KCND3: variants seen among roughly 807,000 people sequenced by gnomAD.
KCND3 encodes the protein A-type voltage-gated potassium channel KCND3.
A neutral mutation model predicts 51.1 loss-of-function variants in KCND3; 9 were observed. That is an observed-to-expected ratio of 0.18 (90% CI 0.11 to 0.31). The LOEUF (loss-of-function observed/expected upper bound fraction) is 0.31, where lower values mean the gene tolerates loss of function less well. Among genes scored for constraint, KCND3 ranks in the 10% least tolerant of loss-of-function variants. The probability of loss-of-function intolerance (pLI) is 1.00; values close to 1 mark genes in which losing one functional copy is unlikely to be tolerated. For missense variants in KCND3, 526 were observed against 903.8 expected, an observed-to-expected ratio of 0.58 and a Z score of 5.36; for synonymous variants, 349 against 368.0, an observed-to-expected ratio of 0.95 and a Z score of 0.59.
chr1:111,809,310 C>CT (rs1557950192), intron 2 of KCND3, among the ~76,000 whole-genome samples: 1 of 26,178 alleles, frequency 3.8e-5, no homozygotes, highest in African/African-American at 1.6e-4. Flanking sequence ...GATTATTTTT[C>CT]TTTCTTTTTT....
intron 7 of KCND3, 115 bp downstream of exon 7, chr1:111,776,911 A>G (rs923149819): frequency 8.4e-6 from 13 of 1,551,188 alleles, no homozygotes; most frequent in Non-Finnish European, 1.1e-5. Flanking sequence ...GGGCTCATGC[A>G]TTAGATAAGG....
intron 2 of KCND3, among the ~76,000 whole-genome samples, chr1:111,825,554 A>G (rs984667869): frequency 3.3e-5 from 5 of 152,200 alleles, no homozygotes; most frequent in African/African-American, 1.2e-4. Flanking sequence ...CCAGTATTAC[A>G]ATAAAGTTTA....
At chr1:111,918,906 A>C (rs1234025683) in intron 2 of KCND3, among the ~76,000 whole-genome samples, 3 of 152,070 alleles carry the variant, frequency 2.0e-5, no homozygotes, top group Non-Finnish European at 2.9e-5. Flanking sequence ...TTTACATCTT[A>C]AATGACTGTG....
chr1:111,962,811 A>G (rs943317147), intron 2 of KCND3, among the ~76,000 whole-genome samples: 1 of 152,188 alleles, frequency 6.6e-6, no homozygotes, highest in Admixed American at 6.5e-5. Flanking sequence ...GAAAGGTAGA[A>G]TCTGTTTATC....
At chr1:111,873,579 G>A (rs1270576984) in intron 2 of KCND3, among the ~76,000 whole-genome samples, 1 of 152,060 alleles carries the variant, frequency 6.6e-6, no homozygotes, top group East Asian at 1.9e-4. Flanking sequence ...GCTCCACCTG[G>A]GAAGACAGGC....
chr1:111,784,640 G>T (rs371920750), intron 3 of KCND3, among the ~76,000 whole-genome samples: 161 of 152,224 alleles, frequency 1.1e-3, no homozygotes, highest in Non-Finnish European at 1.5e-3. Flanking sequence ...AAATCCTCTG[G>T]ACCTACTTGC....
intron 2 of KCND3, among the ~76,000 whole-genome samples, chr1:111,796,144 TC>T (rs530594192): frequency 3.0e-4 from 45 of 152,370 alleles, no homozygotes; most frequent in South Asian, 2.9e-3. Context: ...GGTTGTCTGT[TC>T]ACTCTGTCGG....
chr1:111,955,827 C>T (rs2101917152), intron 2 of KCND3, among the ~76,000 whole-genome samples: 1 of 152,310 alleles, frequency 6.6e-6, no homozygotes, highest in East Asian at 1.9e-4. Context: ...GAAGTGGGGT[C>T]ACCTTAAGCA....
At chr1:111,936,660 T>A (rs74109733) in intron 2 of KCND3, among the ~76,000 whole-genome samples, 1,555 of 152,300 alleles carry the variant, frequency 0.01, 24 homozygotes, top group African/African-American at 0.036. Flanking sequence ...TTGGCTTCAC[T>A]GTGTGGGTGA....
At chr1:111,927,314 C>T (rs1292714369) in intron 2 of KCND3, among the ~76,000 whole-genome samples, 1 of 152,236 alleles carries the variant, frequency 6.6e-6, no homozygotes, top group Non-Finnish European at 1.5e-5. Flanking sequence ...TCTGTTCTCA[C>T]TCCAAGGCCT....
At chr1:111,913,780 G>C (rs373098421) in intron 2 of KCND3, among the ~76,000 whole-genome samples, 1 of 152,026 alleles carries the variant, frequency 6.6e-6, no homozygotes, top group South Asian at 2.1e-4. Context: ...CCTCTGATCC[G>C]AGCGACTCAG....
chr1:111,771,314 TAAC>T lies in KCND3; in HGVS notation c.*4760_*4762del, dbSNP rs776796253. 7.2e-5 allele frequency: 11 copies of T among 152,344 alleles called. No homozygotes were observed. The East Asian group carries it at 1.9e-3, about 27-fold the overall frequency. The allele number at this position is 152,344 out of a possible 1,614,324, so 9.4% of individuals were successfully genotyped here. A position where few individuals can be genotyped will look rare whatever the true frequency, so the allele number is the denominator to read the frequency against. ...TTTGGGCTCCGAGGGTCATGGGTCATAACAATGTTTTTCCTTCATCTAGTCATT... is the reference window on the plus strand; with the variant it reads ...TTTGGGCTCCGAGGGTCATGGGTCATAATGTTTTTCCTTCATCTAGTCATT... On this transcript the variant is annotated 3_prime_UTR_variant, in exon 8 of 8. Transcript: ENST00000302127.
chr1:111,907,741 T>C (rs2101806273), intron 2 of KCND3, among the ~76,000 whole-genome samples: 1 of 152,376 alleles, frequency 6.6e-6, no homozygotes, highest in Middle Eastern at 3.4e-3. Flanking sequence ...GCACACATGC[T>C]GTGAGCATAG....
intron 2 of KCND3, among the ~76,000 whole-genome samples, chr1:111,841,081 C>T (rs1428905047): frequency 6.6e-6 from 1 of 152,182 alleles, no homozygotes; most frequent in Non-Finnish European, 1.5e-5. Context: ...ATTAGTGGGT[C>T]AAGTAAAAAA....
intron 2 of KCND3, among the ~76,000 whole-genome samples, chr1:111,800,539 A>T (rs926999854): frequency 7.9e-5 from 11 of 140,100 alleles, no homozygotes; most frequent in Non-Finnish European, 1.2e-4. Flanking sequence ...AATTATCAAT[A>T]AAAAAATAAA....
chr1:111,982,886 G>A lies in KCND3; in HGVS notation c.-72-88C>T. The A allele has an allele frequency of 9.9e-7, 1 of 1,010,204 alleles. No homozygotes were observed. 62.6% of individuals were successfully genotyped at this position (1,010,204 alleles called of 1,614,324 possible). On this transcript the variant is annotated intron_variant, in intron 1 of 7. Transcript: ENST00000302127. The surrounding 1 kb of genome is among the most constrained non-coding windows in gnomAD (Gnocchi z 8.5). ...GGACACAGGAAAGGATCACTGGTGA[G>A]TGAAACGGCCAAAGTCTCCAGGGCA...
At position 111,815,368 on chromosome 1, in the gene KCND3, T is replaced by A. The variant is rs1219038999; in HGVS notation, c.1107-28262A>T. On this transcript the variant is annotated intron_variant, in intron 2 of 7. Transcript: ENST00000302127. ...TGACAGAGTCTCTCCTTGACCAAAC[T>A]CTGGTCAGGCTTCTCTGAATCCTCT... Among the ~76,000 whole-genome samples, 8 of 151,914 alleles carry A rather than the reference T, an allele frequency of 5.3e-5. No individual in the cohort carries two copies. In the East Asian group the frequency reaches 1.5e-3, roughly 29 times the overall value.
intron 2 of KCND3, among the ~76,000 whole-genome samples, chr1:111,942,365 T>G (rs1672564810): frequency 6.6e-6 from 1 of 152,140 alleles, no homozygotes; most frequent in East Asian, 1.9e-4. Flanking sequence ...AAACATCTAG[T>G]AGAGAATCAA....
chr1:111,985,114 A>C (rs967526117), intron 1 of KCND3, among the ~76,000 whole-genome samples: 1 of 152,170 alleles, frequency 6.6e-6, no homozygotes, highest in Admixed American at 6.5e-5. Context: ...CCCCCATTTC[A>C]TAGATAAGGA....
Sources: allele counts gnomAD v4.1 joint callset (sites outside exome capture counted in the v4.1 genomes callset), GRCh38; gene constraint gnomAD v4.1.1; non-coding constraint Gnocchi (gnomAD v3.1); transcripts MANE v1.5; gene names NCBI Gene and HGNC (gene_info 2026-07-23, HGNC 2026-07-21).